The following ACVRL1 variants were observed in gnomAD, a reference collection of about 807,000 sequenced individuals.
ACVRL1 encodes the protein activin receptor type-1-like.
A neutral mutation model predicts 51.9 loss-of-function variants in ACVRL1; 20 were observed. The ratio of observed to expected loss-of-function variants is 0.39; its 90% CI spans 0.27 to 0.56. The LOEUF (loss-of-function observed/expected upper bound fraction) is 0.56. Ranked by LOEUF, ACVRL1 falls within the 20% of genes least tolerant of loss-of-function variation. ACVRL1 has a pLI of 0.67. For synonymous variants in ACVRL1, 288 were observed against 280.9 expected (o/e 1.03, Z -0.25); for missense variants, 451 against 670.3 (o/e 0.67, Z 3.61).
chr12:51,912,465 T>C lies in ACVRL1; in HGVS notation c.-5-5T>C, dbSNP rs780275156. ...TTACTCCACCTCTCTTGCTCCTCTCTGCAGGGACCATGACCTTGGGCTCCC... is the reference window on the plus strand; with the variant it reads ...TTACTCCACCTCTCTTGCTCCTCTCCGCAGGGACCATGACCTTGGGCTCCC... On this transcript the variant is annotated splice_polypyrimidine_tract_variant and splice_region_variant and intron_variant, in intron 1 of 9. Coordinates refer to ENST00000388922, the MANE Select transcript of ACVRL1 (RefSeq NM_000020.3). 1.7e-5 allele frequency: 27 copies of C among 1,614,138 alleles called. No homozygotes were observed. The highest frequency in any genetic ancestry group is 2.1e-5 in the Non-Finnish European group (25 of 1,179,964).
Position 51,913,090 on chromosome 12 carries a change from G to A in ACVRL1, c.62-9G>A. The A allele has an allele frequency of 1.2e-6, 2 of 1,600,918 alleles. No homozygotes were observed. Among genetic ancestry groups the A allele is most frequent in the Non-Finnish European group, 1.7e-6 (2 of 1,178,704 alleles). The stretch of plus-strand genomic sequence containing the variant: ...ACCACAGTGGCTGAGCTTCCGGTGT[G>A]TCTTCCAGGAGACCCTGTGAAGCCG... On this transcript the variant is annotated splice_polypyrimidine_tract_variant and intron_variant, in intron 2 of 9. Transcript: ENST00000388922.
rs1332054938 is a variant in ACVRL1, at chr12:51,916,263, A to T, written c.1246+30A>T. On this transcript the variant is annotated intron_variant, in intron 8 of 9. Coordinates refer to ENST00000388922, the MANE Select transcript of ACVRL1 (RefSeq NM_000020.3). ...GGGCCCACCCTACACAGGGTAGGGAAAGGGGAATCAGCCTGTGGAGCCAGG... is the reference window on the plus strand; with the variant it reads ...GGGCCCACCCTACACAGGGTAGGGATAGGGGAATCAGCCTGTGGAGCCAGG... The T allele has an allele frequency of 2.5e-6, 4 of 1,608,200 alleles. No homozygotes were observed. The Admixed American group carries it at 6.7e-5, about 27-fold the overall frequency.
intron 4 of ACVRL1, 29 bp from the exon 5 acceptor site, chr12:51,913,945 G>C: frequency 6.2e-7 from 1 of 1,608,568 alleles, no homozygotes; most frequent in Non-Finnish European, 8.5e-7. Context: ...GGTTGTGGCA[G>C]CCTCTCAGTG....
chr12:51,915,614 ATGT>A, intron 7 of ACVRL1, 114 bp downstream of exon 7: 1 of 1,384,756 alleles, frequency 7.2e-7, no homozygotes, highest in South Asian at 1.4e-5. Flanking sequence ...TTAGAGGTGC[ATGT>A]TGTTTCAGTT....
At chr12:51,918,842 C>T (rs368122956) in intron 8 of ACVRL1, 143 bp from the exon 9 acceptor site, 24 of 1,130,946 alleles carry the variant, frequency 2.1e-5, no homozygotes, top group African/African-American at 1.8e-4. Context: ...ACATTTATTG[C>T]ATTATACTGT....
At chr12:51,910,525 G>A (rs1176000929) in intron 1 of ACVRL1, among the ~76,000 whole-genome samples, 1 of 152,172 alleles carries the variant, frequency 6.6e-6, no homozygotes, top group Non-Finnish European at 1.5e-5. Context: ...GTAGAAGGAG[G>A]GTGGACTGGG....
At chr12:51,914,628 C>T (rs749290061) in intron 6 of ACVRL1, 43 bp downstream of exon 6, 1 of 1,584,000 alleles carries the variant, frequency 6.3e-7, no homozygotes, top group African/African-American at 1.3e-5. Flanking sequence ...GGCTTTGCCC[C>T]CCTGCACTCA....
At chr12:51,915,916 G>C (rs1565594762) in intron 7 of ACVRL1, 120 bp from the exon 8 acceptor site, 5 of 1,113,912 alleles carry the variant, frequency 4.5e-6, no homozygotes, top group Non-Finnish European at 5.1e-6. Flanking sequence ...GCCCATCTCC[G>C]TGCACGTCTC....
At chr12:51,913,847 G>A (rs974811353) in intron 4 of ACVRL1, 77 bp downstream of exon 4, 1 of 1,583,850 alleles carries the variant, frequency 6.3e-7, no homozygotes, top group East Asian at 2.3e-5. Flanking sequence ...GTCACCCAGA[G>A]ATTAGAGCCG....
Position 51,920,930 on chromosome 12 carries a change from C to A in ACVRL1, c.*37C>A. ...CTGATTCCTTTCTGCCTGCAGGGGGCTGGGGGGGTGGGGGGCAGTGGATGG... is the reference window on the plus strand; with the variant it reads ...CTGATTCCTTTCTGCCTGCAGGGGGATGGGGGGGTGGGGGGCAGTGGATGG... On this transcript the variant is annotated 3_prime_UTR_variant, in exon 10 of 10. Transcript: ENST00000388922. 3.0e-6 allele frequency: 1 copy of A among 336,498 alleles called. No individual in the cohort carries two copies. Among genetic ancestry groups the A allele is most frequent in the Admixed American group, 4.0e-5 (1 of 25,034 alleles). 20.8% of individuals were successfully genotyped at this position (336,498 alleles called of 1,614,324 possible).
chr12:51,914,123 C>T, intron 5 of ACVRL1, 50 bp downstream of exon 5: 7 of 1,582,188 alleles, frequency 4.4e-6, no homozygotes, highest in Non-Finnish European at 6.0e-6. Context: ...TCTCATGAGC[C>T]TGGAGGGGTG....
In ACVRL1 at chr12:51,913,042, G is replaced by A. The variant is rs373961293; in HGVS notation, c.62-57G>A. ...GGACAGTAGGACAGAAATGGGTGTCGGGCTCAGCCTGGGGGAGCTGGGACC... is the reference window on the plus strand; with the variant it reads ...GGACAGTAGGACAGAAATGGGTGTCAGGCTCAGCCTGGGGGAGCTGGGACC... On this transcript the variant is annotated intron_variant, in intron 2 of 9. Coordinates refer to ENST00000388922, the MANE Select transcript of ACVRL1 (RefSeq NM_000020.3). The A allele has an allele frequency of 3.1e-5, 49 of 1,576,796 alleles. 1 individual carries two copies. Among genetic ancestry groups the A allele is most frequent in the African/African-American group, 2.7e-4 (20 of 74,752 alleles).
At chr12:51,909,058 T>C (rs1940645155) in intron 1 of ACVRL1, among the ~76,000 whole-genome samples, 1 of 152,202 alleles carries the variant, frequency 6.6e-6, no homozygotes, top group South Asian at 2.1e-4. Flanking sequence ...CCTACTGAAG[T>C]GCAGAGTGAG....
Position 51,913,494 on chromosome 12 carries a change from G to C in ACVRL1, c.314-65G>C, listed in dbSNP as rs113559681. 3.1e-3 allele frequency: 4,791 copies of C among 1,543,430 alleles called. 136 individuals carry two copies. In the African/African-American group the frequency reaches 0.057, roughly 18 times the overall value. On this transcript the variant is annotated intron_variant, in intron 3 of 9. Coordinates refer to ENST00000388922, the MANE Select transcript of ACVRL1 (RefSeq NM_000020.3). ...GACTCTGGGATCTAACTGGCAGAGT[G>C]GTCTGGCCCGAGGTGGGGGGAGCTG...
rs1940906841 is a variant in ACVRL1 at position 51,919,020 on chromosome 12, G to A, written c.1282G>A (p.Val428Met). Residue 428 changes from valine to methionine, a missense_variant, in exon 9 of 10, where the codon GTG becomes ATG. Transcript: ENST00000388922. ...GGACTATAGACCACCCTTCTATGAT[G>A]TGGTGCCCAATGACCCCAGCTTTGA... ...VEDYRPPFYD[V>M]VPNDPSFEDM... The A allele has an allele frequency of 1.2e-6, 2 of 1,614,194 alleles. No individual in the cohort carries two copies. The highest frequency in any genetic ancestry group is 1.7e-6 in the Non-Finnish European group (2 of 1,180,044).
Position 51,913,307 on chromosome 12 carries a change from C to T in ACVRL1, c.270C>T (p.Cys90=), listed in dbSNP as rs556168617. The T allele has an allele frequency of 1.1e-5, 18 of 1,611,166 alleles. No individual in the cohort carries two copies. The highest frequency in any genetic ancestry group is 6.7e-5 in the Admixed American group (4 of 59,774). The part of the protein sequence containing the change: ...RPTEFVNHYC[C]DSHLCNHNVS... ...CCGAGTTCGTCAACCACTACTGCTG[C>T]GACAGCCACCTCTGCAACCACAACG... Residue 90 remains cysteine (C), a synonymous_variant, in exon 3 of 10, where the codon TGC becomes TGT. Coordinates refer to ENST00000388922, the MANE Select transcript of ACVRL1 (RefSeq NM_000020.3).
chr12:51,910,767 C>T (rs149410335), intron 1 of ACVRL1, among the ~76,000 whole-genome samples: 41 of 152,318 alleles, frequency 2.7e-4, no homozygotes, highest in African/African-American at 8.7e-4. Flanking sequence ...ACAGTGCTAG[C>T]CAGAGTCCTC....
In ACVRL1 at chr12:51,920,943, G is replaced by GGGGGGGGGGC; in HGVS notation, c.*52_*53insGGGGGGGCGG. On this transcript the variant is annotated 3_prime_UTR_variant, in exon 10 of 10. Coordinates refer to ENST00000388922, the MANE Select transcript of ACVRL1 (RefSeq NM_000020.3). ...GCCTGCAGGGGGCTGGGGGGGTGGGGGGCAGTGGATGGTGCCCTATCTGGG... is the reference window on the plus strand; with the variant it reads ...GCCTGCAGGGGGCTGGGGGGGTGGGGGGGGGGGGGCGGCAGTGGATGGTGCCCTATCTGGG... 1.2e-6 allele frequency: 1 copy of GGGGGGGGGGC among 860,108 alleles called. No individual in the cohort carries two copies. The highest frequency in any genetic ancestry group is 1.9e-6 in the Non-Finnish European group (1 of 533,156). 53.3% of individuals were successfully genotyped at this position (860,108 alleles called of 1,614,324 possible).
In ACVRL1 at chr12:51,921,376, AG is replaced by A. The variant is rs1384753311; in HGVS notation, c.*486del. On this transcript the variant is annotated 3_prime_UTR_variant, in exon 10 of 10. Coordinates refer to ENST00000388922, the MANE Select transcript of ACVRL1 (RefSeq NM_000020.3). ...CCTCTAGCATAAGCTCCAGAGAGCC[AG>A]GGCCCATCAGTTTCTCTCTGTGGAT... The A allele has an allele frequency of 2.8e-5, 6 of 214,548 alleles. No individual in the cohort carries two copies. Among genetic ancestry groups the A allele is most frequent in the Non-Finnish European group, 4.7e-5 (5 of 105,354 alleles). The allele number at this position is 214,548 out of a possible 1,614,324, so 13.3% of individuals were successfully genotyped here.
Sources: allele counts gnomAD v4.1 joint callset (sites outside exome capture counted in the v4.1 genomes callset), GRCh38; gene constraint gnomAD v4.1.1; transcripts MANE v1.5; gene names NCBI Gene and HGNC (gene_info 2026-07-23, HGNC 2026-07-21).